SYNPR: variants seen among roughly 807,000 people sequenced by gnomAD.
SYNPR encodes the protein synaptoporin.
In SYNPR, 23 loss-of-function variants were observed where a neutral mutation model predicts 32.9. The ratio of observed to expected loss-of-function variants is 0.70; its 90% CI spans 0.50 to 0.99. The LOEUF is 0.99. SYNPR is among the 50% of genes least tolerant of loss of function. The pLI is 0.00. For synonymous variants in SYNPR, 146 were observed against 135.9 expected (o/e 1.07, Z -0.52); for missense variants, 318 against 349.3 (o/e 0.91, Z 0.71).
At chr3:63,501,354 C>T (rs1014713112) in intron 3 of SYNPR, among the ~76,000 whole-genome samples, 2 of 151,758 alleles carry the variant, frequency 1.3e-5, no homozygotes, top group African/African-American at 4.8e-5. Flanking sequence ...TGGCATGCCC[C>T]TGTAGTCCCA....
intron 5 of SYNPR, among the ~76,000 whole-genome samples, chr3:63,609,547 G>A (rs767122532): frequency 2.6e-5 from 4 of 152,106 alleles, no homozygotes; most frequent in Admixed American, 6.6e-5. Context: ...TAAGAACCCC[G>A]CAGGTATTGG....
chr3:63,409,222 C>T (rs1269445069), intron 2 of SYNPR, among the ~76,000 whole-genome samples: 1 of 152,028 alleles, frequency 6.6e-6, no homozygotes, highest in East Asian at 1.9e-4. Context: ...GCTTTCAAAG[C>T]TTTTGTTTCT....
At chr3:63,468,818 C>T (rs1700738875) in intron 2 of SYNPR, among the ~76,000 whole-genome samples, 1 of 151,996 alleles carries the variant, frequency 6.6e-6, no homozygotes, top group Non-Finnish European at 1.5e-5. Flanking sequence ...TACAAACAAA[C>T]AAACAAACAA....
chr3:63,473,277 C>G (rs1559509476), intron 2 of SYNPR, among the ~76,000 whole-genome samples: 1 of 152,194 alleles, frequency 6.6e-6, no homozygotes, highest in Non-Finnish European at 1.5e-5. Context: ...ATTCCCCTAA[C>G]GTGCTCCAAT....
At chr3:63,294,449 G>A (rs567363400) in intron 2 of SYNPR, among the ~76,000 whole-genome samples, 12 of 152,168 alleles carry the variant, frequency 7.9e-5, no homozygotes, top group South Asian at 6.2e-4. Context: ...TCTTATTTTC[G>A]TTTGGAAATA....
At chr3:63,604,743 A>G (rs1700093882) in intron 4 of SYNPR, among the ~76,000 whole-genome samples, 1 of 152,174 alleles carries the variant, frequency 6.6e-6, no homozygotes, top group South Asian at 2.1e-4. Context: ...TGAGGATGGT[A>G]AAAATTTCAA....
At chr3:63,261,437 A>G (rs1195531458) in intron 2 of SYNPR, among the ~76,000 whole-genome samples, 5 of 151,432 alleles carry the variant, frequency 3.3e-5, no homozygotes, top group Non-Finnish European at 5.9e-5. Flanking sequence ...GAAATTGGAA[A>G]TCATCATTCT....
chr3:63,554,299 A>G (rs1446345331), intron 3 of SYNPR, among the ~76,000 whole-genome samples: 1 of 152,198 alleles, frequency 6.6e-6, no homozygotes, highest in Non-Finnish European at 1.5e-5. Context: ...GCCAAGGCCA[A>G]TGTTGAGAAG....
chr3:63,307,119 T>C (rs2086916853), intron 2 of SYNPR, among the ~76,000 whole-genome samples: 1 of 152,054 alleles, frequency 6.6e-6, no homozygotes, highest in Non-Finnish European at 1.5e-5. Context: ...GATATTACAG[T>C]GTCCAAATTA....
chr3:63,428,253 T>G (rs967869094), intron 2 of SYNPR, among the ~76,000 whole-genome samples: 7 of 152,236 alleles, frequency 4.6e-5, no homozygotes, highest in African/African-American at 1.7e-4. Flanking sequence ...GAGGCTAAGT[T>G]GGTCAAAGCC....
chr3:63,510,920 T>TGTGTGTGTGTGTGTGG (rs1701685100), intron 3 of SYNPR, among the ~76,000 whole-genome samples: 1 of 129,270 alleles, frequency 7.7e-6, no homozygotes, highest in Non-Finnish European at 1.8e-5. Flanking sequence ...TACAACTGTG[T>TGTGTGTGTGTGTGTGG]GTGTGTGTGT....
At chr3:63,494,118 T>TA (rs1383931391) in intron 3 of SYNPR, among the ~76,000 whole-genome samples, 2 of 151,660 alleles carry the variant, frequency 1.3e-5, no homozygotes, top group Non-Finnish European at 2.9e-5. Context: ...TTAGGTACCA[T>TA]AAAAAACAAA....
chr3:63,421,616 C>T (rs1260413473), intron 2 of SYNPR, among the ~76,000 whole-genome samples: 1 of 152,048 alleles, frequency 6.6e-6, no homozygotes, highest in Non-Finnish European at 1.5e-5. Context: ...ATTAAATTAC[C>T]TTGAGCTTAG....
intron 2 of SYNPR, among the ~76,000 whole-genome samples, chr3:63,402,252 T>C (rs944466558): frequency 1.3e-5 from 2 of 152,126 alleles, no homozygotes; most frequent in Admixed American, 1.3e-4. Flanking sequence ...CCTCTAAACA[T>C]GAGGAGCGCT....
At position 63,495,906 on chromosome 3, in the gene SYNPR, C is replaced by G. The variant is rs190159683; in HGVS notation, c.209+14950C>G. Among the ~76,000 whole-genome samples, 265 of 151,958 alleles carry G rather than the reference C, an allele frequency of 1.7e-3. 3 individuals are homozygous for G. The highest frequency in any genetic ancestry group is 2.4e-3 in the Non-Finnish European group (162 of 67,978). On this transcript the variant is annotated intron_variant, in intron 3 of 5. Transcript: ENST00000478300. ...ATGTCCTTATAAATTTCTCCAAGCC[C>G]ACAGAATGTACAGCATCAAGAGTGA...
chr3:63,445,358 G>A (rs533943877), intron 2 of SYNPR, among the ~76,000 whole-genome samples: 31 of 152,230 alleles, frequency 2.0e-4, no homozygotes, highest in African/African-American at 5.3e-4. Flanking sequence ...TTAAAAGGTC[G>A]GGATCCTTAG....
chr3:63,402,415 G>C (rs1303230981), intron 2 of SYNPR, among the ~76,000 whole-genome samples: 1 of 152,176 alleles, frequency 6.6e-6, no homozygotes, highest in African/African-American at 2.4e-5. Context: ...AATTCAATAT[G>C]AATTCTAGTT....
chr3:63,500,975 A>G (rs921312542), intron 3 of SYNPR, among the ~76,000 whole-genome samples: 1 of 152,212 alleles, frequency 6.6e-6, no homozygotes, highest in African/African-American at 2.4e-5. Flanking sequence ...AATGAAACTA[A>G]TAATCCCTAT....
chr3:63,434,886 A>G (rs7639958), intron 2 of SYNPR, among the ~76,000 whole-genome samples: 4 of 152,108 alleles, frequency 2.6e-5, no homozygotes, highest in Non-Finnish European at 5.9e-5. Flanking sequence ...AATAATAAGC[A>G]AAGACTTATT....
Sources: gnomAD v4.1 joint callset for allele counts (sites outside exome capture counted in the v4.1 genomes callset) on GRCh38, gnomAD v4.1.1 for gene constraint, MANE v1.5 for transcripts, NCBI Gene and HGNC (gene_info 2026-07-23, HGNC 2026-07-21) for gene names.